The following MAGI3 variants were observed in gnomAD, a reference collection of about 807,000 sequenced individuals.
MAGI3 encodes the protein membrane-associated guanylate kinase, WW and PDZ domain-containing protein 3.
Under a neutral mutation model 121.8 loss-of-function variants are expected in MAGI3, and 43 were observed. That is an observed-to-expected ratio of 0.35 (90% CI 0.28 to 0.46). MAGI3 has a LOEUF of 0.46. Ranked by LOEUF, MAGI3 falls within the 20% of genes least tolerant of loss-of-function variation. MAGI3 has a pLI of 1.00. For synonymous variants in MAGI3, 553 were observed against 639.3 expected (o/e 0.86, Z 2.04); for missense variants, 1,547 against 1,797.3 (o/e 0.86, Z 2.52).
At chr1:113,531,910 A>C (rs1173976732) in intron 1 of MAGI3, among the ~76,000 whole-genome samples, 1 of 152,040 alleles carries the variant, frequency 6.6e-6, no homozygotes, top group African/African-American at 2.4e-5. Flanking sequence ...TTCAAATTGG[A>C]CTCACAGTTT....
At chr1:113,452,818 A>G (rs780898705) in intron 1 of MAGI3, among the ~76,000 whole-genome samples, 3 of 152,204 alleles carry the variant, frequency 2.0e-5, no homozygotes, top group Admixed American at 6.5e-5. Context: ...ATGACAAAGG[A>G]AAACCCAAGA....
intron 1 of MAGI3, among the ~76,000 whole-genome samples, chr1:113,505,148 A>ATCTAAT (rs1657253170): frequency 1.3e-5 from 2 of 152,186 alleles, no homozygotes; most frequent in African/African-American, 4.8e-5. Context: ...AGGTAGGCCC[A>ATCTAAT]TACCAGGTAA....
intron 1 of MAGI3, among the ~76,000 whole-genome samples, chr1:113,448,544 C>G (rs1654297824): frequency 6.6e-6 from 1 of 152,218 alleles, no homozygotes; most frequent in Non-Finnish European, 1.5e-5. Context: ...GTCCTATAAA[C>G]TAATATCAGA....
intron 9 of MAGI3, among the ~76,000 whole-genome samples, chr1:113,635,388 G>A (rs1450447227): frequency 6.6e-6 from 1 of 152,092 alleles, no homozygotes; most frequent in Non-Finnish European, 1.5e-5. Context: ...TTATTATTTT[G>A]AGATACGTCC....
chr1:113,544,048 A>G (rs1659414964), intron 1 of MAGI3, among the ~76,000 whole-genome samples: 1 of 152,228 alleles, frequency 6.6e-6, no homozygotes, highest in Non-Finnish European at 1.5e-5. Flanking sequence ...CATAGAATGA[A>G]TATGTTTTAC....
chr1:113,415,796 A>G (rs895798752), intron 1 of MAGI3, among the ~76,000 whole-genome samples: 1 of 151,854 alleles, frequency 6.6e-6, no homozygotes, highest in Non-Finnish European at 1.5e-5. Flanking sequence ...TTAGTATGTT[A>G]TCTCCTTACT....
chr1:113,671,844 T>C lies in MAGI3; in HGVS notation c.2918+8T>C. The C allele has an allele frequency of 6.2e-7, 1 of 1,612,854 alleles. No individual in the cohort carries two copies. On this transcript the variant is annotated splice_region_variant and intron_variant, in intron 17 of 20. Coordinates refer to ENST00000307546, the MANE Select transcript of MAGI3 (RefSeq NM_001142782.2). Reference sequence around the variant, plus strand: ...CCACATACCTGGGGACAGGTGGGGCTATTTTCAGGTTTTTGTTTTTGTTTT... The same window carrying C: ...CCACATACCTGGGGACAGGTGGGGCCATTTTCAGGTTTTTGTTTTTGTTTT...
chr1:113,622,915 A>C lies in MAGI3; in HGVS notation c.1281A>C (p.Gly427=), dbSNP rs1650923143. ...GATTTGGTTTTACTATTATTGGTGG[A>C]GATAGACCTGATGAGTTCCTACAAG... is the stretch of plus-strand genomic sequence containing the variant. ...TMGFGFTIIG[G]DRPDEFLQVK... The change falls in exon 9 of 21, where the codon GGA becomes GGC. Residue 427 remains glycine (G), a synonymous_variant. Coordinates refer to ENST00000307546, the MANE Select transcript of MAGI3 (RefSeq NM_001142782.2). The C allele has an allele frequency of 6.3e-7, 1 of 1,597,780 alleles. No homozygotes were observed. The highest frequency in any genetic ancestry group is 8.5e-7 in the Non-Finnish European group (1 of 1,174,324).
intron 13 of MAGI3, 115 bp from the exon 14 acceptor site, chr1:113,650,899 T>C: frequency 1.1e-6 from 1 of 885,666 alleles, no homozygotes; most frequent in Non-Finnish European, 1.8e-6. Context: ...ATATAACTGT[T>C]TTCATAGTTG....
chr1:113,552,851 T>A (rs1659840670), intron 2 of MAGI3, among the ~76,000 whole-genome samples: 2 of 152,230 alleles, frequency 1.3e-5, no homozygotes, highest in South Asian at 4.1e-4. Flanking sequence ...TCACATGTGA[T>A]CTCTAAATAT....
chr1:113,460,023 A>C (rs974677018), intron 1 of MAGI3, among the ~76,000 whole-genome samples: 2 of 152,256 alleles, frequency 1.3e-5, no homozygotes, highest in Admixed American at 1.3e-4. Flanking sequence ...AATCCTCAAC[A>C]GAATACTTGC....
intron 1 of MAGI3, among the ~76,000 whole-genome samples, chr1:113,543,385 A>G (rs1054365763): frequency 1.3e-5 from 2 of 152,224 alleles, no homozygotes; most frequent in Non-Finnish European, 2.9e-5. Context: ...GAATTGAAGA[A>G]ATTGATGAAG....
chr1:113,593,799 A>G (rs1648836186), intron 5 of MAGI3, among the ~76,000 whole-genome samples: 2 of 152,162 alleles, frequency 1.3e-5, no homozygotes, highest in South Asian at 2.1e-4. Flanking sequence ...TCTTTGGCCT[A>G]TATCATAAAA....
At chr1:113,568,223 A>G (rs1660514292) in intron 2 of MAGI3, among the ~76,000 whole-genome samples, 1 of 152,054 alleles carries the variant, frequency 6.6e-6, no homozygotes, top group Non-Finnish European at 1.5e-5. Context: ...CATACCATCA[A>G]TATTTAGAAA....
chr1:113,527,019 T>A (rs1040096633), intron 1 of MAGI3, among the ~76,000 whole-genome samples: 1 of 152,210 alleles, frequency 6.6e-6, no homozygotes, highest in Admixed American at 6.5e-5. Context: ...TTTTATAGGA[T>A]TATTGTGAGA....
chr1:113,433,264 G>T (rs918821443), intron 1 of MAGI3, among the ~76,000 whole-genome samples: 1 of 152,090 alleles, frequency 6.6e-6, no homozygotes, highest in African/African-American at 2.4e-5. Flanking sequence ...GTACTACTGG[G>T]TCTGTGCATT....
At chr1:113,535,855 TCCGTCTCA>T (rs1430062113) in intron 1 of MAGI3, among the ~76,000 whole-genome samples, 5 of 152,142 alleles carry the variant, frequency 3.3e-5, no homozygotes, top group African/African-American at 4.8e-5. Context: ...CTACAAGGTG[TCCGTCTCA>T]CCAACATATC....
At chr1:113,459,318 T>C (rs187940620) in intron 1 of MAGI3, among the ~76,000 whole-genome samples, 16 of 152,354 alleles carry the variant, frequency 1.1e-4, no homozygotes, top group Admixed American at 5.2e-4. Context: ...ACTTTTTATA[T>C]AGATACTTAT....
intron 2 of MAGI3, among the ~76,000 whole-genome samples, chr1:113,570,030 C>G (rs1360072621): frequency 2.0e-5 from 3 of 152,058 alleles, no homozygotes; most frequent in African/African-American, 7.2e-5. Flanking sequence ...TCCTAGTGCT[C>G]TTTCACCCCT....
Sources: allele counts gnomAD v4.1 joint callset (sites outside exome capture counted in the v4.1 genomes callset), GRCh38; gene constraint gnomAD v4.1.1; transcripts MANE v1.5; gene names NCBI Gene and HGNC (gene_info 2026-07-23, HGNC 2026-07-21).